CNTN1: variants seen among roughly 807,000 people sequenced by gnomAD.
The protein encoded by CNTN1 is contactin-1.
CNTN1 carries 38 observed loss-of-function variants against 126.4 expected under a neutral mutation model. The ratio of observed to expected loss-of-function variants is 0.30; its 90% confidence interval spans 0.23 to 0.39. The LOEUF is 0.39. Ranked by LOEUF, CNTN1 falls within the 10% of genes least tolerant of loss-of-function variation. The pLI is 1.00. For synonymous variants in CNTN1, 413 were observed against 422.6 expected (o/e 0.98, Z 0.28); for missense variants, 1,009 against 1,248.4 (o/e 0.81, Z 2.89).
rs1253357547 is a variant in CNTN1 at position 40,837,365 on chromosome 12, G to GC, written c.-76-70992_-76-70991insC. On this transcript the variant is annotated intron_variant, in intron 1 of 23. Transcript: ENST00000551295. ...CTGCCCAGAATCAGCTGGAAGCTGG[G>GC]AGTGACTTCCCAGCCCAGGGATTAG... Among the ~76,000 whole-genome samples, 6 of 152,296 alleles carry GC rather than the reference G, an allele frequency of 3.9e-5. No individual in the cohort carries two copies. In the East Asian group the frequency reaches 1.2e-3, roughly 29 times the overall value.
At chr12:40,937,797 C>T in intron 11 of CNTN1, 110 bp downstream of exon 11, 1 of 766,756 alleles carries the variant, frequency 1.3e-6, no homozygotes, top group Non-Finnish European at 2.4e-6. Flanking sequence ...AGGTGTACAA[C>T]ATATGTTGGT....
At chr12:40,850,950 A>AT (rs1378400121) in intron 1 of CNTN1, among the ~76,000 whole-genome samples, 1 of 152,176 alleles carries the variant, frequency 6.6e-6, no homozygotes, top group African/African-American at 2.4e-5. Context: ...AAACCATTTG[A>AT]TTGGCACGAA....
chr12:40,808,037 C>A (rs1335538148), intron 1 of CNTN1, among the ~76,000 whole-genome samples: 3 of 152,068 alleles, frequency 2.0e-5, no homozygotes, highest in African/African-American at 7.2e-5. Flanking sequence ...TAATTTTCTT[C>A]CCTCAACTGT....
intron 1 of CNTN1, among the ~76,000 whole-genome samples, chr12:40,709,691 T>C (rs1377437138): frequency 6.6e-6 from 1 of 152,238 alleles, no homozygotes; most frequent in Admixed American, 6.5e-5. Flanking sequence ...CACCACATCC[T>C]GCTTCACTTC....
chr12:40,942,354 T>A (rs1946290975), intron 12 of CNTN1, among the ~76,000 whole-genome samples: 2 of 152,056 alleles, frequency 1.3e-5, no homozygotes, highest in African/African-American at 2.4e-5. Flanking sequence ...GAGATACAGG[T>A]CTGATCCCAG....
chr12:40,845,129 C>A (rs1013012420), intron 1 of CNTN1, among the ~76,000 whole-genome samples: 3 of 152,088 alleles, frequency 2.0e-5, no homozygotes, highest in African/African-American at 7.2e-5. Context: ...TTTAAAAGAG[C>A]TAGTTGTATG....
At chr12:40,999,822 C>G (rs986746425) in intron 17 of CNTN1, among the ~76,000 whole-genome samples, 1 of 151,132 alleles carries the variant, frequency 6.6e-6, no homozygotes, top group Non-Finnish European at 1.5e-5. Context: ...CCTGCCTCAG[C>G]CTTCCAAGTA....
intron 23 of CNTN1, among the ~76,000 whole-genome samples, chr12:41,046,287 A>G (rs1830602012): frequency 6.6e-6 from 1 of 152,144 alleles, no homozygotes; most frequent in African/African-American, 2.4e-5. Context: ...GATGGTAAAA[A>G]ATTACATTAT....
intron 17 of CNTN1, among the ~76,000 whole-genome samples, chr12:41,001,817 G>T (rs1307395436): frequency 6.6e-6 from 1 of 152,086 alleles, no homozygotes; most frequent in East Asian, 1.9e-4. Flanking sequence ...GTAAGGAAGG[G>T]GTCCAATTTC....
At chr12:40,753,246 T>C (rs1397995770) in intron 1 of CNTN1, among the ~76,000 whole-genome samples, 1 of 152,162 alleles carries the variant, frequency 6.6e-6, no homozygotes, top group Non-Finnish European at 1.5e-5. Context: ...TCACTATTTG[T>C]TGCTTTCTTA....
intron 1 of CNTN1, chr12:40,729,528 C>A (rs1054044426): frequency 4.5e-6 from 1 of 222,424 alleles, no homozygotes; most frequent in Non-Finnish European, 1.0e-5. Flanking sequence ...CTCATGCAAG[C>A]CATCAATGCA....
chr12:40,944,699 G>A (rs11179142), intron 14 of CNTN1, among the ~76,000 whole-genome samples: 17,914 of 151,822 alleles, frequency 0.12, 1,112 homozygotes, highest in Non-Finnish European at 0.12. Flanking sequence ...GTTAAACATA[G>A]TGATATAGAG....
chr12:40,721,892 T>TA (rs1426961224), intron 1 of CNTN1, among the ~76,000 whole-genome samples: 4 of 151,320 alleles, frequency 2.6e-5, no homozygotes, highest in African/African-American at 9.7e-5. Context: ...CATCATTTTT[T>TA]ATGGCTGCAT....
intron 1 of CNTN1, among the ~76,000 whole-genome samples, chr12:40,726,370 A>G (rs1268651904): frequency 6.6e-6 from 1 of 152,220 alleles, no homozygotes; most frequent in Non-Finnish European, 1.5e-5. Flanking sequence ...AAGAGGTTTC[A>G]TTGACTCACA....
intron 1 of CNTN1, among the ~76,000 whole-genome samples, chr12:40,808,401 A>G (rs1203529035): frequency 6.6e-6 from 1 of 152,146 alleles, no homozygotes; most frequent in Non-Finnish European, 1.5e-5. Flanking sequence ...ATTCCAAGCT[A>G]CCAACATGAT....
In CNTN1 at chr12:40,933,481, G is replaced by A. The variant is rs758956439; in HGVS notation, c.724G>A (p.Ala242Thr). 17 of 1,607,996 alleles carry A rather than the reference G, an allele frequency of 1.1e-5. No individual in the cohort carries two copies. The highest frequency in any genetic ancestry group is 1.4e-5 in the Non-Finnish European group (17 of 1,174,850). Residue 242 changes from alanine to threonine, a missense_variant, in exon 8 of 24, where the codon GCT (alanine) becomes ACT (threonine). Coordinates refer to ENST00000551295, the MANE Select transcript of CNTN1 (RefSeq NM_001843.4). Reference protein sequence around the residue: ...IPERTTKPYPADIVVQFKDVY... With the variant: ...IPERTTKPYPTDIVVQFKDVY... The stretch of plus-strand genomic sequence containing the variant: ...ATTAGGAACAACAAAACCATATCCT[G>A]CTGATATTGTAGTTCAGTTCAAGGA...
intron 1 of CNTN1, among the ~76,000 whole-genome samples, chr12:40,780,753 G>A (rs1159452154): frequency 1.3e-5 from 2 of 148,478 alleles, no homozygotes; most frequent in Non-Finnish European, 3.0e-5. Context: ...AATCAAAAGA[G>A]GAGGCCTTTA....
intron 1 of CNTN1, among the ~76,000 whole-genome samples, chr12:40,749,431 T>G (rs951313868): frequency 1.3e-5 from 2 of 152,128 alleles, no homozygotes; most frequent in East Asian, 3.9e-4. Flanking sequence ...TGTATGTTAG[T>G]ACTACTTGAG....
At chr12:40,990,164 A>G (rs191667445) in intron 16 of CNTN1, among the ~76,000 whole-genome samples, 198 of 152,314 alleles carry the variant, frequency 1.3e-3, no homozygotes, top group African/African-American at 4.3e-3. Flanking sequence ...TTTGTTTTAG[A>G]TATTTGTATT....
Sources: allele counts gnomAD v4.1 joint callset (sites outside exome capture counted in the v4.1 genomes callset), GRCh38; gene constraint gnomAD v4.1.1; transcripts MANE v1.5; gene names NCBI Gene and HGNC (gene_info 2026-07-23, HGNC 2026-07-21).